Variants in IHO1 observed in about 807,000 individuals in gnomAD.
The protein encoded by IHO1 is interactor of HORMAD1 1, also known as interactor of HORMAD1 protein 1.
A neutral mutation model predicts 31.0 loss-of-function variants in IHO1; 13 were observed. The ratio of observed to expected loss-of-function variants is 0.42; its 90% CI spans 0.27 to 0.67. The LOEUF is 0.67. Among genes scored for constraint, IHO1 ranks in the 30% least tolerant of loss-of-function variants. The pLI, the probability that IHO1 is intolerant of heterozygous loss-of-function variation, is 0.24. For synonymous variants in IHO1, 221 were observed against 248.4 expected (o/e 0.89, Z 1.04); for missense variants, 599 against 687.5 (o/e 0.87, Z 1.44).
chr3:49,216,594 C>T (rs944668184), intron 2 of IHO1, among the ~76,000 whole-genome samples: 1 of 152,132 alleles, frequency 6.6e-6, no homozygotes, highest in Non-Finnish European at 1.5e-5. Flanking sequence ...GCAAAGACTT[C>T]ATGACTAAAA....
chr3:49,220,221 G>A (rs908248837), intron 2 of IHO1, among the ~76,000 whole-genome samples: 3 of 152,130 alleles, frequency 2.0e-5, no homozygotes, highest in African/African-American at 7.2e-5. Flanking sequence ...TTTTAAATTC[G>A]GGAAATGCCA....
intron 2 of IHO1, chr3:49,228,204 G>T (rs1015633831): frequency 1.4e-5 from 5 of 356,250 alleles, no homozygotes; most frequent in Non-Finnish European, 2.8e-5. Flanking sequence ...ACTCACAGCC[G>T]CAGGGTCAAC....
chr3:49,192,575 C>T, the IHO1 span, among the ~76,000 whole-genome samples: 2 of 152,172 alleles, frequency 1.3e-5, no homozygotes, highest in Non-Finnish European at 2.9e-5. Flanking sequence ...CCCTGGAGAG[C>T]CCCTCTCATG....
rs1187151550 is a variant in IHO1, at chr3:49,244,635, G to C, written c.445-11G>C. On this transcript the variant is annotated splice_polypyrimidine_tract_variant and intron_variant, in intron 5 of 7. Transcript: ENST00000452691. ...AGCCTGTGAATTATTTCATAATTTT[G>C]GGTTTCTTAGTTGCAGACGTCTGTG... 1.2e-6 allele frequency: 2 copies of C among 1,606,656 alleles called. No individual in the cohort carries two copies. The highest frequency in any genetic ancestry group is 1.7e-6 in the Non-Finnish European group (2 of 1,174,082).
In IHO1 at chr3:49,223,456, C is replaced by A. The variant is rs1235635407; in HGVS notation, c.56+11620C>A. 2.0e-5 allele frequency among the ~76,000 whole-genome samples: 3 copies of A among 152,088 alleles called. No homozygotes were observed. In the East Asian group the frequency reaches 5.8e-4, roughly 29 times the overall value. ...CCTGTAATCCCAGCACTTTGGGAGA[C>A]CGAGGCGGGCGGATCACGAGGTCAG... On this transcript the variant is annotated intron_variant, in intron 2 of 7. Coordinates refer to ENST00000452691, the MANE Select transcript of IHO1 (RefSeq NM_001135197.2).
chr3:49,245,860 C>T (rs1471691950), intron 6 of IHO1: 1 of 152,076 alleles, frequency 6.6e-6, no homozygotes, highest in African/African-American at 2.4e-5. Flanking sequence ...CCTGGGCATC[C>T]CACACACAGG....
intron 7 of IHO1, among the ~76,000 whole-genome samples, chr3:49,255,724 T>C (rs1266038708): frequency 6.6e-6 from 1 of 152,148 alleles, no homozygotes; most frequent in East Asian, 1.9e-4. Context: ...CTAATTTTTG[T>C]ATTTTTAGTA....
At position 49,221,592 on chromosome 3, in the gene IHO1, C is replaced by T. The variant is rs142345086; in HGVS notation, c.56+9756C>T. The stretch of plus-strand genomic sequence containing the variant: ...ATAGCTACTTCCTGCTGGTTAGGGG[C>T]GAAGAAGGGGCCCTGCTGTGGTAGT... On this transcript the variant is annotated intron_variant, in intron 2 of 7. Transcript: ENST00000452691. 6.8e-4 allele frequency among the ~76,000 whole-genome samples: 104 copies of T among 152,240 alleles called. No homozygotes were observed. The South Asian group carries it at 9.5e-3, about 14-fold the overall frequency.
chr3:49,236,657 T>C lies in IHO1; in HGVS notation c.166T>C (p.Ser56Pro), dbSNP rs1462827070. The C allele has an allele frequency of 2.5e-6, 4 of 1,614,110 alleles. No individual in the cohort carries two copies. Among genetic ancestry groups the C allele is most frequent in the South Asian group, 1.1e-5 (1 of 91,078 alleles). ...QFCPENSETLSAPLDFGAHLR... is the reference protein window; with the variant it reads ...QFCPENSETLPAPLDFGAHLR... ...CTGTCCAGAAAATTCAGAAACCCTA[T>C]CAGCACCCTTGGACTTTGGTGCCCA... Residue 56 changes from serine to proline, a missense_variant, in exon 3 of 8, where the codon TCA (serine) becomes CCA (proline). By Grantham distance (74) the Ser-to-Pro change is moderately conservative. Coordinates refer to ENST00000452691, the MANE Select transcript of IHO1 (RefSeq NM_001135197.2).
At chr3:49,199,938 T>A (rs2046031775) in intron 1 of IHO1, 1 of 152,016 alleles carries the variant, frequency 6.6e-6, no homozygotes, top group South Asian at 2.1e-4. Flanking sequence ...TGATTATGAG[T>A]AGGGAAAACC....
chr3:49,226,518 A>G (rs890797767), intron 2 of IHO1, among the ~76,000 whole-genome samples: 2 of 152,130 alleles, frequency 1.3e-5, no homozygotes, highest in Admixed American at 1.3e-4. Context: ...TCCTTCTAGA[A>G]CACAGGTCAA....
intron 2 of IHO1, chr3:49,214,037 A>G (rs1404095569): frequency 6.6e-6 from 2 of 304,640 alleles, no homozygotes; most frequent in East Asian, 1.9e-4. Context: ...TCTCTTCTGT[A>G]TCTGCTGTAT....
chr3:49,215,133 C>G (rs2046272737), intron 2 of IHO1, among the ~76,000 whole-genome samples: 1 of 151,910 alleles, frequency 6.6e-6, no homozygotes, highest in Non-Finnish European at 1.5e-5. Context: ...TCACTGCAAC[C>G]TCTGCCTCCC....
intron 3 of IHO1, 134 bp downstream of exon 3, chr3:49,236,856 T>C: frequency 1.3e-6 from 1 of 763,644 alleles, no homozygotes; most frequent in Non-Finnish European, 2.0e-6. Flanking sequence ...CTGAGGCAAG[T>C]GGATCCCTTG....
At chr3:49,230,909 A>C (rs1410641569) in intron 2 of IHO1, among the ~76,000 whole-genome samples, 1 of 152,158 alleles carries the variant, frequency 6.6e-6, no homozygotes, top group Non-Finnish European at 1.5e-5. Context: ...TCCTAGTCTC[A>C]CTAGCCCTCA....
At chr3:49,208,195 A>G (rs1455449377) in intron 1 of IHO1, among the ~76,000 whole-genome samples, 2 of 152,192 alleles carry the variant, frequency 1.3e-5, no homozygotes, top group Non-Finnish European at 2.9e-5. Flanking sequence ...GCCACTGTGG[A>G]ATAAGCAGAC....
chr3:49,247,150 G>C (rs1057083020), intron 6 of IHO1, among the ~76,000 whole-genome samples: 3 of 150,920 alleles, frequency 2.0e-5, no homozygotes, highest in Admixed American at 1.3e-4. Flanking sequence ...CGCCTGGCAG[G>C]TTCCTTAATT....
chr3:49,247,283 G>A (rs1436646528), intron 6 of IHO1, among the ~76,000 whole-genome samples: 1 of 151,930 alleles, frequency 6.6e-6, no homozygotes, highest in Non-Finnish European at 1.5e-5. Flanking sequence ...AGGCTGGAGT[G>A]CAGTAGCACG....
chr3:49,218,293 G>GC (rs1338142761), intron 2 of IHO1, among the ~76,000 whole-genome samples: 1 of 150,948 alleles, frequency 6.6e-6, no homozygotes, highest in Non-Finnish European at 1.5e-5. Flanking sequence ...GTGCCAGCAT[G>GC]CCCACCATGT....
Sources: allele counts gnomAD v4.1 joint callset (sites outside exome capture counted in the v4.1 genomes callset), GRCh38; gene constraint gnomAD v4.1.1; transcripts MANE v1.5; gene names NCBI Gene and HGNC (gene_info 2026-07-23, HGNC 2026-07-21).